Variants in CLIP2 observed in about 807,000 individuals in gnomAD.
CLIP2 encodes the protein CAP-Gly domain-containing linker protein 2.
Under a neutral mutation model 111.7 loss-of-function variants are expected in CLIP2, and 41 were observed. That is an observed-to-expected ratio of 0.37 (90% CI 0.29 to 0.48). The LOEUF is 0.48. Ranked by LOEUF, CLIP2 falls within the 20% of genes least tolerant of loss-of-function variation. CLIP2 has a pLI of 0.99. For synonymous variants in CLIP2, 660 were observed against 644.2 expected (o/e 1.02, Z -0.37); for missense variants, 1,160 against 1,422.1 (o/e 0.82, Z 2.96).
At chr7:74,385,690 G>T (rs1554314647) in intron 11 of CLIP2, among the ~76,000 whole-genome samples, 3 of 151,178 alleles carry the variant, frequency 2.0e-5, no homozygotes, top group Admixed American at 1.3e-4. Context: ...CACTTGAGGG[G>T]ACTAAGGCTG....
intron 9 of CLIP2, among the ~76,000 whole-genome samples, chr7:74,375,289 C>G (rs1790741346): frequency 6.6e-6 from 1 of 151,782 alleles, no homozygotes; most frequent in Admixed American, 6.6e-5. Context: ...TGGCTCATGC[C>G]TATAATCCCA....
Position 74,403,956 on chromosome 7 carries a change from C to T in CLIP2, c.*108C>T. ...CGGGACTGTCACTTTGGAGACAAAA[C>T]AGTGTTTGTAACAATAACGTACTCA... On this transcript the variant is annotated 3_prime_UTR_variant, in exon 17 of 17. Transcript: ENST00000223398. 1.6e-6 allele frequency: 2 copies of T among 1,250,570 alleles called. No homozygotes were observed. The highest frequency in any genetic ancestry group is 2.3e-5 in the East Asian group (1 of 43,168). 77.5% of individuals were successfully genotyped at this position (1,250,570 alleles called of 1,614,324 possible). A position where few individuals can be genotyped will look rare whatever the true frequency, so the allele number is the denominator to read the frequency against.
At chr7:74,390,199 AAG>A (rs1791253875) in intron 13 of CLIP2, among the ~76,000 whole-genome samples, 2 of 103,226 alleles carry the variant, frequency 1.9e-5, no homozygotes, top group East Asian at 2.0e-4. Context: ...GAAAGAAAGA[AAG>A]AAAGAAAGAA....
intron 12 of CLIP2, among the ~76,000 whole-genome samples, chr7:74,388,295 G>T (rs1055601288): frequency 3.9e-5 from 6 of 151,958 alleles, no homozygotes; most frequent in Admixed American, 1.3e-4. Flanking sequence ...TTGTGCCATG[G>T]CACTCCAGCC....
intron 11 of CLIP2, among the ~76,000 whole-genome samples, chr7:74,382,390 C>T (rs548269665): frequency 1.1e-4 from 16 of 150,706 alleles, no homozygotes; most frequent in Admixed American, 1.1e-3. Context: ...CCACAACCTC[C>T]ACCTCCCAGG....
At chr7:74,374,648 G>A (rs1197992944) in intron 9 of CLIP2, among the ~76,000 whole-genome samples, 1 of 152,164 alleles carries the variant, frequency 6.6e-6, no homozygotes, top group Non-Finnish European at 1.5e-5. Context: ...TTGAACCGGG[G>A]AGGTGGAGGT....
In CLIP2 at chr7:74,376,916, C is replaced by G. The variant is rs1479932580; in HGVS notation, c.2421+94C>G. The stretch of plus-strand genomic sequence containing the variant: ...CTGTTCTGCAGCCCAGGAAGCATTT[C>G]CCTTGTCCCCGAGAGCATGCCTGGG... On this transcript the variant is annotated intron_variant, in intron 10 of 16. Coordinates refer to ENST00000223398, the MANE Select transcript of CLIP2 (RefSeq NM_003388.5). This position sits in a 1 kb window ranked among gnomAD's most constrained non-coding sequence, Gnocchi z 7.1. The G allele has an allele frequency of 1.6e-6, 2 of 1,247,172 alleles. No homozygotes were observed. The highest frequency in any genetic ancestry group is 2.2e-6 in the Non-Finnish European group (2 of 925,136). 77.3% of individuals were successfully genotyped at this position (1,247,172 alleles called of 1,614,324 possible).
At chr7:74,325,136 A>G (rs941911164) in intron 2 of CLIP2, among the ~76,000 whole-genome samples, 133 of 152,308 alleles carry the variant, frequency 8.7e-4, no homozygotes, top group African/African-American at 3.1e-3. Context: ...GGATCTGGCC[A>G]AGGGACAGGG....
intron 11 of CLIP2, among the ~76,000 whole-genome samples, chr7:74,381,321 T>A (rs1790939424): frequency 6.6e-6 from 1 of 152,092 alleles, no homozygotes; most frequent in Admixed American, 6.6e-5. Flanking sequence ...CCCGAGTAGC[T>A]GGGATTACAG....
intron 1 of CLIP2, among the ~76,000 whole-genome samples, chr7:74,295,672 T>C (rs983818753): frequency 7.2e-5 from 11 of 152,072 alleles, no homozygotes; most frequent in Non-Finnish European, 1.6e-4. Flanking sequence ...CTTGAGGTGA[T>C]TTACAAAGAT....
Position 74,339,072 on chromosome 7 carries a change from G to T in CLIP2, c.678+68G>T, listed in dbSNP as rs190473488. 106 of 1,478,194 alleles carry T rather than the reference G, an allele frequency of 7.2e-5. 1 individual carries two copies. In the African/African-American group the frequency reaches 1.4e-3, roughly 19 times the overall value. The allele number at this position is 1,478,194 out of a possible 1,614,324, so 91.6% of individuals were successfully genotyped here. The stretch of plus-strand genomic sequence containing the variant: ...CCTCCCCTGCTCCGCCCCACTTGGC[G>T]AAGCTGGACCCCCCTGGGCTGGGCA... On this transcript the variant is annotated intron_variant, in intron 3 of 16. Transcript: ENST00000223398.
At chr7:74,378,630 C>T (rs1057407579) in intron 10 of CLIP2, among the ~76,000 whole-genome samples, 4 of 152,286 alleles carry the variant, frequency 2.6e-5, no homozygotes, top group Admixed American at 1.3e-4. Context: ...TCCCCAGCTA[C>T]GCTGGAGGCT....
rs1788956358 is a variant in CLIP2 at position 74,321,679 on chromosome 7, AGGCT to A, written c.121+4015_121+4018del. ...GAGACAGGGTTTCATCATCTTGGCC[AGGCT>A]GGTCTTGAACTCCTGGCCTTGTGAT... is the stretch of plus-strand genomic sequence containing the variant. On this transcript the variant is annotated intron_variant, in intron 2 of 16. Transcript: ENST00000223398. 2.6e-5 allele frequency among the ~76,000 whole-genome samples: 4 copies of A among 152,162 alleles called. No individual in the cohort carries two copies. The South Asian group carries it at 8.3e-4, about 32-fold the overall frequency.
chr7:74,313,297 C>A (rs782573737), intron 1 of CLIP2, among the ~76,000 whole-genome samples: 3 of 151,710 alleles, frequency 2.0e-5, no homozygotes, highest in Non-Finnish European at 4.4e-5. Flanking sequence ...GAGTGGCTCA[C>A]GCCTGTAATT....
At chr7:74,390,263 C>G (rs1310934335) in intron 13 of CLIP2, among the ~76,000 whole-genome samples, 1 of 151,644 alleles carries the variant, frequency 6.6e-6, no homozygotes, top group African/African-American at 2.4e-5. Context: ...CTCAGGGACC[C>G]CTTTAAACTC....
chr7:74,364,145 C>G (rs900621423), intron 7 of CLIP2, 110 bp from the exon 8 acceptor site: 2 of 965,692 alleles, frequency 2.1e-6, no homozygotes, highest in African/African-American at 3.2e-5. Context: ...GGCCTCGCCT[C>G]TGGATTCTGG....
chr7:74,326,994 G>A (rs930155103), intron 2 of CLIP2, among the ~76,000 whole-genome samples: 7 of 144,444 alleles, frequency 4.8e-5, no homozygotes, highest in Admixed American at 2.1e-4. Context: ...GCAGCGGCAC[G>A]ATCTCAGCTC....
intron 1 of CLIP2, among the ~76,000 whole-genome samples, chr7:74,299,858 C>T (rs1241567920): frequency 3.3e-5 from 5 of 151,792 alleles, no homozygotes; most frequent in South Asian, 2.1e-4. Flanking sequence ...CCCCCATGCC[C>T]GGCTAATTTT....
chr7:74,311,721 G>A (rs1357084792), intron 1 of CLIP2, among the ~76,000 whole-genome samples: 4 of 151,902 alleles, frequency 2.6e-5, no homozygotes, highest in African/African-American at 7.3e-5. Context: ...ACCAGCCTGG[G>A]CAATGTAGCT....
Sources: allele counts gnomAD v4.1 joint callset (sites outside exome capture counted in the v4.1 genomes callset), GRCh38; gene constraint gnomAD v4.1.1; non-coding constraint Gnocchi (gnomAD v3.1); transcripts MANE v1.5; gene names NCBI Gene and HGNC (gene_info 2026-07-23, HGNC 2026-07-21).